The following PTPRD variants were observed in gnomAD, a reference collection of about 807,000 sequenced individuals.
The protein encoded by PTPRD is protein tyrosine phosphatase receptor type D, also known as receptor-type tyrosine-protein phosphatase delta.
In PTPRD, 34 loss-of-function variants were observed where a neutral mutation model predicts 214.5. The observed-to-expected ratio is 0.16, with a 90% CI of 0.12 to 0.21. The LOEUF is 0.21. Ranked by LOEUF, PTPRD falls within the 10% of genes least tolerant of loss-of-function variation. PTPRD has a pLI of 1.00. For missense variants in PTPRD, 2,545 were observed against 2,398.7 expected (o/e 1.06, Z -1.27); for synonymous variants, 1,128 against 845.7 (o/e 1.33, Z -5.79).
chr9:10,193,928 T>C (rs1443734995), intron 3 of PTPRD, among the ~76,000 whole-genome samples: 1 of 152,112 alleles, frequency 6.6e-6, no homozygotes, highest in Non-Finnish European at 1.5e-5. Context: ...CACGTTCCAT[T>C]ATAACTGTTA....
intron 9 of PTPRD, among the ~76,000 whole-genome samples, chr9:9,392,011 A>G (rs1464914605): frequency 6.6e-6 from 1 of 152,124 alleles, no homozygotes; most frequent in Non-Finnish European, 1.5e-5. Context: ...CTCTTAAGCA[A>G]CAGAGAAAAT....
intron 9 of PTPRD, among the ~76,000 whole-genome samples, chr9:9,311,513 T>A (rs1958995861): frequency 6.6e-6 from 1 of 152,130 alleles, no homozygotes; most frequent in Non-Finnish European, 1.5e-5. Context: ...TAATCCTGAA[T>A]TACATTAACA....
At chr9:9,873,318 A>G (rs1461616760) in intron 5 of PTPRD, among the ~76,000 whole-genome samples, 2 of 152,078 alleles carry the variant, frequency 1.3e-5, no homozygotes, top group African/African-American at 4.8e-5. Flanking sequence ...GCTAACCTGC[A>G]CCTCTCCTTC....
chr9:10,444,397 A>G (rs905012170), intron 2 of PTPRD, among the ~76,000 whole-genome samples: 2 of 151,866 alleles, frequency 1.3e-5, no homozygotes, highest in Non-Finnish European at 3.0e-5. Flanking sequence ...ACACCTTTAC[A>G]GACATAAATA....
intron 9 of PTPRD, among the ~76,000 whole-genome samples, chr9:9,393,481 G>T (rs1218141973): frequency 1.3e-5 from 2 of 152,082 alleles, no homozygotes; most frequent in African/African-American, 4.8e-5. Flanking sequence ...AAAGAACTGA[G>T]ACCTCCAGTT....
intron 10 of PTPRD, among the ~76,000 whole-genome samples, chr9:9,019,348 G>GAAAGAAAGAAAGAA (rs2099553596): frequency 2.8e-5 from 3 of 105,482 alleles, no homozygotes; most frequent in Admixed American, 8.7e-5. Flanking sequence ...ACGAAAGAAA[G>GAAAGAAAGAAAGAA]AAAGAAAGAA....
At chr9:9,186,643 T>G (rs1304398610) in intron 9 of PTPRD, among the ~76,000 whole-genome samples, 1 of 149,484 alleles carries the variant, frequency 6.7e-6, no homozygotes, top group South Asian at 2.1e-4. Context: ...TCTCTCTCTC[T>G]CTCTCTCTCT....
At chr9:8,953,065 G>C (rs538033314) in intron 11 of PTPRD, among the ~76,000 whole-genome samples, 1 of 151,710 alleles carries the variant, frequency 6.6e-6, no homozygotes, top group Non-Finnish European at 1.5e-5. Flanking sequence ...TTATATTTTA[G>C]AATAGTTTTT....
intron 4 of PTPRD, among the ~76,000 whole-genome samples, chr9:9,970,630 T>C (rs1020084014): frequency 5.9e-5 from 9 of 152,008 alleles, no homozygotes; most frequent in African/African-American, 2.2e-4. Context: ...TATGGATCTG[T>C]CAAACGGTCT....
At chr9:9,989,479 A>G (rs1168022950) in intron 4 of PTPRD, among the ~76,000 whole-genome samples, 5 of 152,130 alleles carry the variant, frequency 3.3e-5, no homozygotes, top group Admixed American at 3.3e-4. Context: ...TGATGGCAGG[A>G]CTTTGGAGAA....
intron 3 of PTPRD, among the ~76,000 whole-genome samples, chr9:10,277,977 G>A (rs2094821654): frequency 6.6e-6 from 1 of 152,086 alleles, no homozygotes; most frequent in African/African-American, 2.4e-5. Context: ...GCTAACGAGG[G>A]AGAAAACCCT....
At chr9:9,757,822 C>G (rs1008825356) in intron 6 of PTPRD, among the ~76,000 whole-genome samples, 1 of 152,066 alleles carries the variant, frequency 6.6e-6, no homozygotes, top group African/African-American at 2.4e-5. Context: ...AACCATCTTA[C>G]TCATCATAAC....
intron 7 of PTPRD, among the ~76,000 whole-genome samples, chr9:9,595,317 ATATTT>A (rs2093219117): frequency 2.1e-4 from 16 of 75,340 alleles, no homozygotes; most frequent in Admixed American, 1.6e-3. Context: ...TATATTATAT[ATATTT>A]TATATATATA....
chr9:8,560,025 T>C (rs1480987029), intron 14 of PTPRD, among the ~76,000 whole-genome samples: 2 of 152,238 alleles, frequency 1.3e-5, no homozygotes, highest in African/African-American at 2.4e-5. Context: ...GGAAAGTCTA[T>C]ATGCAGTAAG....
intron 2 of PTPRD, among the ~76,000 whole-genome samples, chr9:10,471,433 G>A (rs1409713892): frequency 1.3e-5 from 2 of 152,002 alleles, no homozygotes; most frequent in African/African-American, 2.4e-5. Context: ...GTTTCATCAG[G>A]TAGTATGACT....
rs993150236 is a variant in PTPRD, at chr9:8,527,896, A to T, written c.542-543T>A. On this transcript the variant is annotated intron_variant, in intron 15 of 45. Coordinates refer to ENST00000381196, the MANE Select transcript of PTPRD (RefSeq NM_002839.4). ...GGTTCAAAAACCTTGACGGGCGCACACTACTGTGGCTAATGTGTAGAAAAT... is the reference window on the plus strand; with the variant it reads ...GGTTCAAAAACCTTGACGGGCGCACTCTACTGTGGCTAATGTGTAGAAAAT... Among the ~76,000 whole-genome samples the T allele has an allele frequency of 2.0e-5, 3 of 152,162 alleles. No homozygotes were observed. The East Asian group carries it at 5.8e-4, about 29-fold the overall frequency.
At chr9:10,198,454 G>C (rs568224415) in intron 3 of PTPRD, among the ~76,000 whole-genome samples, 1 of 152,186 alleles carries the variant, frequency 6.6e-6, no homozygotes, top group Admixed American at 6.6e-5. Context: ...TACAGTAATA[G>C]AAGCTGAAAG....
intron 4 of PTPRD, among the ~76,000 whole-genome samples, chr9:10,030,943 T>A (rs2097053793): frequency 6.6e-6 from 1 of 152,166 alleles, no homozygotes; most frequent in African/African-American, 2.4e-5. Flanking sequence ...TATTTAAGTG[T>A]TTGGTAGATA....
At chr9:8,769,654 G>C (rs2095046066) in intron 11 of PTPRD, among the ~76,000 whole-genome samples, 1 of 152,200 alleles carries the variant, frequency 6.6e-6, no homozygotes, top group African/African-American at 2.4e-5. Context: ...GTGTAAAAAT[G>C]TAATGGTTCT....
Sources: gnomAD v4.1 joint callset for allele counts (sites outside exome capture counted in the v4.1 genomes callset) on GRCh38, gnomAD v4.1.1 for gene constraint, MANE v1.5 for transcripts, NCBI Gene and HGNC (gene_info 2026-07-23, HGNC 2026-07-21) for gene names.